LHPP: variants seen among roughly 807,000 people sequenced by gnomAD.
LHPP encodes phospholysine phosphohistidine inorganic pyrophosphate phosphatase, also known as hLHPP.
LHPP carries 24 observed loss-of-function variants against 30.3 expected under a neutral mutation model. The observed-to-expected ratio is 0.79, with a 90% CI of 0.57 to 1.11. LHPP has a LOEUF of 1.11. Among genes scored for constraint, LHPP ranks in the 50% most tolerant of loss-of-function variants. The pLI, the probability that LHPP is intolerant of heterozygous loss-of-function variation, is 0.00. For missense variants in LHPP, 356 were observed against 367.2 expected (o/e 0.97, Z 0.25); for synonymous variants, 150 against 157.1 (o/e 0.95, Z 0.34).
At chr10:124,551,593 G>A (rs970556203) in intron 6 of LHPP, among the ~76,000 whole-genome samples, 14 of 152,196 alleles carry the variant, frequency 9.2e-5, no homozygotes, top group African/African-American at 1.2e-4. Flanking sequence ...GGGTCCCAGA[G>A]TGGGAGACCC....
chr10:124,574,253 G>A (rs1365326413), intron 6 of LHPP, among the ~76,000 whole-genome samples: 1 of 152,266 alleles, frequency 6.6e-6, no homozygotes, highest in East Asian at 1.9e-4. Context: ...ACAGCAAACA[G>A]GCAGCGTGGC....
intron 6 of LHPP, among the ~76,000 whole-genome samples, chr10:124,563,313 CTTTTT>C: frequency 7.2e-6 from 1 of 139,026 alleles, no homozygotes; most frequent in South Asian, 2.3e-4. Context: ...CTCTCTTTTT[CTTTTT>C]TTTTTTTTTT....
intron 1 of LHPP, among the ~76,000 whole-genome samples, chr10:124,477,357 C>T (rs1952981201): frequency 6.6e-6 from 1 of 152,194 alleles, no homozygotes; most frequent in South Asian, 2.1e-4. Context: ...TTTCTCTGCA[C>T]TGGTTCCCAT....
At chr10:124,481,912 A>G (rs1439175685) in intron 1 of LHPP, among the ~76,000 whole-genome samples, 1 of 151,898 alleles carries the variant, frequency 6.6e-6, no homozygotes, top group African/African-American at 2.4e-5. Flanking sequence ...AAGACCCCAC[A>G]CTGGGCTGTG....
At chr10:124,597,032 C>G (rs1042418806) in intron 6 of LHPP, among the ~76,000 whole-genome samples, 1 of 152,180 alleles carries the variant, frequency 6.6e-6, no homozygotes, top group Non-Finnish European at 1.5e-5. Context: ...TTTGCTGGGT[C>G]TTCTGGCTTT....
chr10:124,569,953 C>G (rs1377213077), intron 6 of LHPP, among the ~76,000 whole-genome samples: 1 of 152,204 alleles, frequency 6.6e-6, no homozygotes, highest in Non-Finnish European at 1.5e-5. Context: ...GTGCCCCTTC[C>G]CAGTCAGACC....
intron 6 of LHPP, among the ~76,000 whole-genome samples, chr10:124,579,529 C>T (rs1244321642): frequency 6.6e-6 from 1 of 152,192 alleles, no homozygotes; most frequent in East Asian, 1.9e-4. Flanking sequence ...AGGCGGTTTC[C>T]AGTTTTTTTC....
chr10:124,497,907 G>A (rs1953773829), intron 4 of LHPP, 129 bp from the exon 5 acceptor site: 1 of 737,230 alleles, frequency 1.4e-6, no homozygotes, highest in African/African-American at 1.7e-5. Context: ...TGAGTTCTCA[G>A]GCCCACAGCA....
chr10:124,608,798 G>A (rs1949128809), intron 6 of LHPP, among the ~76,000 whole-genome samples: 1 of 152,232 alleles, frequency 6.6e-6, no homozygotes, highest in South Asian at 2.1e-4. Context: ...TCCTCCAAGA[G>A]GGATCTGAGT....
chr10:124,514,606 T>C (rs1954399416), intron 5 of LHPP, among the ~76,000 whole-genome samples: 1 of 152,212 alleles, frequency 6.6e-6, no homozygotes, highest in African/African-American at 2.4e-5. Flanking sequence ...TCTGACTGTT[T>C]TATAAGATTT....
At chr10:124,578,444 T>G (rs1948697511) in intron 6 of LHPP, among the ~76,000 whole-genome samples, 1 of 152,170 alleles carries the variant, frequency 6.6e-6, no homozygotes, top group Non-Finnish European at 1.5e-5. Context: ...ATCCATTCAT[T>G]TATTCAGCAG....
chr10:124,506,540 G>T (rs562560799), intron 5 of LHPP, among the ~76,000 whole-genome samples: 92 of 151,464 alleles, frequency 6.1e-4, no homozygotes, highest in African/African-American at 2.1e-3. Flanking sequence ...CCAATGAGGA[G>T]TGAAGCCAGG....
intron 3 of LHPP, 52 bp downstream of exon 3, chr10:124,488,627 C>G: frequency 1.3e-6 from 2 of 1,515,088 alleles, no homozygotes; most frequent in Non-Finnish European, 1.8e-6. Context: ...TGATGCTGTG[C>G]CAGTCTCCAA....
At chr10:124,501,299 G>A (rs1353038803) in intron 5 of LHPP, among the ~76,000 whole-genome samples, 2 of 151,782 alleles carry the variant, frequency 1.3e-5, no homozygotes, top group South Asian at 2.1e-4. Flanking sequence ...CTTTTGGGAT[G>A]ATACAAATAT....
At chr10:124,512,683 A>G (rs1487941412) in intron 5 of LHPP, among the ~76,000 whole-genome samples, 1 of 150,356 alleles carries the variant, frequency 6.7e-6, no homozygotes, top group Admixed American at 6.7e-5. Flanking sequence ...TGGGTGCTTC[A>G]CTAAGATGAT....
At chr10:124,562,654 A>G (rs61549547) in intron 6 of LHPP, among the ~76,000 whole-genome samples, 27,083 of 152,216 alleles carry the variant, frequency 0.18, 2,899 homozygotes, top group Non-Finnish European at 0.24. Flanking sequence ...AAAATAGGCC[A>G]GGCGTGGTGG....
chr10:124,581,612 G>A (rs1054284727), intron 6 of LHPP, among the ~76,000 whole-genome samples: 1 of 152,140 alleles, frequency 6.6e-6, no homozygotes, highest in African/African-American at 2.4e-5. Context: ...GGCTGGTGAA[G>A]TACTATCTCA....
At chr10:124,609,254 CTCTT>C (rs1374564669) in intron 6 of LHPP, among the ~76,000 whole-genome samples, 1 of 152,222 alleles carries the variant, frequency 6.6e-6, no homozygotes, top group Admixed American at 6.5e-5. Flanking sequence ...TATGTGGCTT[CTCTT>C]TCTTTTTGAG....
intron 6 of LHPP, among the ~76,000 whole-genome samples, chr10:124,587,235 A>G (rs1332221041): frequency 2.6e-5 from 4 of 151,498 alleles, no homozygotes; most frequent in Non-Finnish European, 4.4e-5. Flanking sequence ...GGGTTTGGCC[A>G]TGTTGGCCAG....
Sources: gnomAD v4.1 joint callset for allele counts (sites outside exome capture counted in the v4.1 genomes callset) on GRCh38, gnomAD v4.1.1 for gene constraint, MANE v1.5 for transcripts, NCBI Gene and HGNC (gene_info 2026-07-23, HGNC 2026-07-21) for gene names.